Variants in KAZN observed in about 807,000 individuals in gnomAD.
The protein encoded by KAZN is kazrin.
Under a neutral mutation model 87.4 loss-of-function variants are expected in KAZN, and 40 were observed. The ratio of observed to expected loss-of-function variants is 0.46; its 90% CI spans 0.36 to 0.60. KAZN has a LOEUF of 0.60. Among genes scored for constraint, KAZN ranks in the 20% least tolerant of loss-of-function variants. The pLI is 0.00. For synonymous variants in KAZN, 466 were observed against 458.3 expected, an observed-to-expected ratio of 1.02 and a Z score of -0.22; for missense variants, 898 against 1,073.9, an observed-to-expected ratio of 0.84 and a Z score of 2.29.
chr1:14,302,556 G>GCACTCTCATCTTTCCT (rs1654626004), intron 2 of KAZN, among the ~76,000 whole-genome samples: 1 of 152,200 alleles, frequency 6.6e-6, no homozygotes, highest in African/African-American at 2.4e-5. Context: ...TAAGAATAAA[G>GCACTCTCATCTTTCCT]GTTAGATTCC....
chr1:14,601,134 A>G (rs956111727), intron 1 of KAZN, among the ~76,000 whole-genome samples: 4 of 152,310 alleles, frequency 2.6e-5, no homozygotes, highest in Admixed American at 6.5e-5. Flanking sequence ...GTGCCTGCCC[A>G]TGTCAGTGGC....
chr1:14,564,796 G>C (rs1378590465), intron 2 of KAZN, among the ~76,000 whole-genome samples: 1 of 152,158 alleles, frequency 6.6e-6, no homozygotes, highest in Non-Finnish European at 1.5e-5. Flanking sequence ...CTGGGCAATA[G>C]AGTGAGACTC....
At chr1:14,786,856 G>A (rs1165964900) in intron 1 of KAZN, among the ~76,000 whole-genome samples, 2 of 152,216 alleles carry the variant, frequency 1.3e-5, no homozygotes, top group East Asian at 3.8e-4. Context: ...AAATATGCCA[G>A]GGTGAATCTT....
rs1263486555 is a variant in KAZN, at chr1:14,488,615, C to T, written c.250-110368C>T. On this transcript the variant is annotated intron_variant, in intron 2 of 16. Coordinates refer to the KAZN transcript ENST00000636203. ...AAGCATTTAGCAGAGCGCCTGCCCT[C>T]CTGTAAGCGTCTTCAATCACAGGCT... 3.3e-5 allele frequency among the ~76,000 whole-genome samples: 5 copies of T among 152,352 alleles called. No individual in the cohort carries two copies. In the East Asian group the frequency reaches 5.8e-4, roughly 18 times the overall value.
At chr1:13,946,108 G>A (rs1324615548) in intron 1 of KAZN, among the ~76,000 whole-genome samples, 2 of 152,274 alleles carry the variant, frequency 1.3e-5, no homozygotes, top group South Asian at 2.1e-4. Flanking sequence ...TAGCTTTTCT[G>A]TATTCTTTCC....
At chr1:13,953,092 A>T (rs768079854) in intron 1 of KAZN, among the ~76,000 whole-genome samples, 6 of 152,116 alleles carry the variant, frequency 3.9e-5, no homozygotes, top group Non-Finnish European at 7.4e-5. Flanking sequence ...CTGTGGTGGG[A>T]ACTACAGAAC....
In KAZN at chr1:15,034,809, A is replaced by G. The variant is rs756734645; in HGVS notation, c.479A>G (p.Gln160Arg). The G allele has an allele frequency of 5.6e-6, 9 of 1,614,116 alleles. No individual in the cohort carries two copies. Among genetic ancestry groups the G allele is most frequent in the Non-Finnish European group, 6.8e-6 (8 of 1,179,994 alleles). The stretch of plus-strand genomic sequence containing the variant: ...AAGACAGACCTGGTGAGCCAGATGC[A>G]GCAGCTGTATGCCACACTGGAGAGC... ...GEKTDLVSQM[Q>R]QLYATLESRE... Residue 160 changes from glutamine to arginine, a missense_variant, in exon 3 of 15, where the codon CAG becomes CGG. Transcript: ENST00000376030.
intron 1 of KAZN, among the ~76,000 whole-genome samples, chr1:13,967,544 G>A (rs886261795): frequency 3.9e-5 from 6 of 152,174 alleles, no homozygotes; most frequent in Admixed American, 6.5e-5. Flanking sequence ...CAAGTCCTGC[G>A]TTCACCACTG....
chr1:14,274,973 A>G (rs1384408017), intron 2 of KAZN, among the ~76,000 whole-genome samples: 1 of 151,828 alleles, frequency 6.6e-6, no homozygotes, highest in Non-Finnish European at 1.5e-5. Flanking sequence ...GTTGTATGGG[A>G]CCATTTTTGG....
At chr1:14,346,405 C>A (rs1437529367) in intron 2 of KAZN, among the ~76,000 whole-genome samples, 1 of 152,126 alleles carries the variant, frequency 6.6e-6, no homozygotes, top group East Asian at 1.9e-4. Flanking sequence ...TGACCTGTGC[C>A]CTCCTTTGCA....
intron 2 of KAZN, among the ~76,000 whole-genome samples, chr1:14,259,566 T>C (rs1011996065): frequency 6.6e-6 from 1 of 152,200 alleles, no homozygotes; most frequent in Non-Finnish European, 1.5e-5. Context: ...CACATTGGCC[T>C]GGCTGTGGTT....
intron 1 of KAZN, among the ~76,000 whole-genome samples, chr1:13,997,816 A>G (rs1278220483): frequency 6.6e-6 from 1 of 152,208 alleles, no homozygotes; most frequent in Non-Finnish European, 1.5e-5. Flanking sequence ...ATCCAGGAGC[A>G]CTTCCCCAAC....
At chr1:14,541,009 C>T (rs185731220) in intron 2 of KAZN, among the ~76,000 whole-genome samples, 37 of 152,308 alleles carry the variant, frequency 2.4e-4, no homozygotes, top group African/African-American at 8.9e-4. Flanking sequence ...AAATTCTTTA[C>T]AAGAACTTGC....
intron 2 of KAZN, among the ~76,000 whole-genome samples, chr1:14,397,450 AC>A (rs1662995347): frequency 6.6e-6 from 1 of 151,872 alleles, no homozygotes; most frequent in South Asian, 2.1e-4. Flanking sequence ...ACCCCCATTT[AC>A]CCCCATTTCA....
chr1:14,739,987 G>A (rs1644036500), intron 1 of KAZN, among the ~76,000 whole-genome samples: 2 of 152,154 alleles, frequency 1.3e-5, no homozygotes, highest in Admixed American at 6.5e-5. Flanking sequence ...GGCATTTGCT[G>A]AGCAGTTGAG....
intron 8 of KAZN, chr1:15,067,934 G>A (rs1226984594): frequency 6.1e-6 from 5 of 816,664 alleles, no homozygotes; most frequent in Non-Finnish European, 7.4e-6. Context: ...TCCTGCTAAT[G>A]ATTTAGTAGT....
At chr1:14,125,871 G>A (rs1644853558) in intron 1 of KAZN, among the ~76,000 whole-genome samples, 1 of 151,174 alleles carries the variant, frequency 6.6e-6, no homozygotes, top group African/African-American at 2.4e-5. Context: ...GTTAGATTCA[G>A]GCAACAAAGA....
intron 2 of KAZN, among the ~76,000 whole-genome samples, chr1:14,191,338 A>G (rs187250941): frequency 2.8e-4 from 43 of 152,284 alleles, no homozygotes; most frequent in Admixed American, 7.8e-4. Flanking sequence ...GCAAGTAGCA[A>G]TTTCATTAAT....
At chr1:14,498,603 A>G (rs1038945893) in intron 2 of KAZN, among the ~76,000 whole-genome samples, 4 of 152,102 alleles carry the variant, frequency 2.6e-5, no homozygotes, top group Non-Finnish European at 5.9e-5. Context: ...GAGGCAGGAG[A>G]GTCACTTGAG....
Sources: gnomAD v4.1 joint callset for allele counts (sites outside exome capture counted in the v4.1 genomes callset) on GRCh38, gnomAD v4.1.1 for gene constraint, MANE v1.5 for transcripts, NCBI Gene and HGNC (gene_info 2026-07-23, HGNC 2026-07-21) for gene names.